Variants in PLPP4 observed in about 807,000 individuals in gnomAD.
PLPP4 encodes the protein phospholipid phosphatase 4, also known as diacylglycerol pyrophosphate like 2.
A neutral mutation model predicts 32.2 loss-of-function variants in PLPP4; 20 were observed. That is an observed-to-expected ratio of 0.62 (90% CI 0.44 to 0.90). The LOEUF (loss-of-function observed/expected upper bound fraction) is 0.90, where lower values mean the gene tolerates loss of function less well. Among genes scored for constraint, PLPP4 ranks in the 40% least tolerant of loss-of-function variants. The pLI is 0.00. For missense variants in PLPP4, 257 were observed against 353.1 expected, an observed-to-expected ratio of 0.73 and a Z score of 2.18; for synonymous variants, 127 against 133.0, an observed-to-expected ratio of 0.95 and a Z score of 0.31.
At chr10:120,511,706 A>G (rs1418499506) in intron 2 of PLPP4, among the ~76,000 whole-genome samples, 1 of 152,198 alleles carries the variant, frequency 6.6e-6, no homozygotes, top group African/African-American at 2.4e-5. Flanking sequence ...TGGTGCTTCA[A>G]TTCTTGTTCT....
chr10:120,525,028 C>T (rs1301206072), intron 5 of PLPP4, among the ~76,000 whole-genome samples: 1 of 152,214 alleles, frequency 6.6e-6, no homozygotes, highest in Non-Finnish European at 1.5e-5. Flanking sequence ...AAGCAATACT[C>T]TCATCCAGGT....
chr10:120,514,470 C>T (rs1008382828), intron 3 of PLPP4, among the ~76,000 whole-genome samples: 1 of 152,174 alleles, frequency 6.6e-6, no homozygotes, highest in African/African-American at 2.4e-5. Context: ...ATAGATATTA[C>T]AAACAAGCTC....
chr10:120,457,580 A>G (rs1847847204), intron 1 of PLPP4, among the ~76,000 whole-genome samples: 1 of 152,032 alleles, frequency 6.6e-6, no homozygotes, highest in Admixed American at 6.5e-5. Context: ...CCGCGCGCCG[A>G]GGCTGAGACC....
chr10:120,506,819 G>T (rs1052142330), intron 2 of PLPP4, among the ~76,000 whole-genome samples: 3 of 152,208 alleles, frequency 2.0e-5, no homozygotes, highest in African/African-American at 7.2e-5. Context: ...GGTGATGTCT[G>T]TCACTCTGAA....
chr10:120,582,769 C>CCCCT (rs1849571246), intron 6 of PLPP4, among the ~76,000 whole-genome samples: 1 of 56,794 alleles, frequency 1.8e-5, no homozygotes, highest in Non-Finnish European at 3.4e-5. Flanking sequence ...CTCCCTCCCT[C>CCCCT]CCTTCCTCCC....
At chr10:120,554,143 G>A (rs1427189642) in intron 5 of PLPP4, among the ~76,000 whole-genome samples, 1 of 152,136 alleles carries the variant, frequency 6.6e-6, no homozygotes, top group Non-Finnish European at 1.5e-5. Flanking sequence ...ACCATATGCT[G>A]TTAGCAGCAG....
At chr10:120,475,694 G>C (rs1028813319) in intron 1 of PLPP4, among the ~76,000 whole-genome samples, 5 of 152,326 alleles carry the variant, frequency 3.3e-5, no homozygotes, top group Non-Finnish European at 5.9e-5. Flanking sequence ...GAGGTTTCCT[G>C]TAGATTTTAT....
chr10:120,543,806 G>C (rs1847476908), intron 5 of PLPP4, among the ~76,000 whole-genome samples: 1 of 152,066 alleles, frequency 6.6e-6, no homozygotes, highest in African/African-American at 2.4e-5. Flanking sequence ...CCACCACTCT[G>C]TTTTCCGCCT....
At chr10:120,508,174 G>C (rs986995179) in intron 2 of PLPP4, among the ~76,000 whole-genome samples, 4 of 152,174 alleles carry the variant, frequency 2.6e-5, no homozygotes, top group African/African-American at 9.7e-5. Context: ...CAGAAATAAA[G>C]TCATTTTGGG....
intron 5 of PLPP4, among the ~76,000 whole-genome samples, chr10:120,538,138 C>G (rs1847152115): frequency 1.4e-5 from 2 of 140,002 alleles, no homozygotes; most frequent in Admixed American, 7.4e-5. Flanking sequence ...ATTTTCTTTT[C>G]CCTTTTGGAT....
intron 5 of PLPP4, among the ~76,000 whole-genome samples, chr10:120,560,943 T>G (rs996898460): frequency 6.6e-6 from 1 of 152,078 alleles, no homozygotes; most frequent in African/African-American, 2.4e-5. Context: ...TTCAATTGCA[T>G]GGGGTGTCGG....
At chr10:120,498,092 G>A (rs966422901) in intron 1 of PLPP4, among the ~76,000 whole-genome samples, 1 of 152,106 alleles carries the variant, frequency 6.6e-6, no homozygotes, top group Non-Finnish European at 1.5e-5. Flanking sequence ...AGAAATAGTA[G>A]TATGTCTTGG....
rs1235893443 is a variant in PLPP4, at chr10:120,590,577, T to A, written c.*1075T>A. On this transcript the variant is annotated 3_prime_UTR_variant, in exon 7 of 7. Coordinates refer to ENST00000398250, the MANE Select transcript of PLPP4 (RefSeq NM_001030059.3). ...GTGTCTCTCGCTCAGCTCTTTGCATTGTTGAATACAGCCAGTCAATATGAA... is the reference window on the plus strand; with the variant it reads ...GTGTCTCTCGCTCAGCTCTTTGCATAGTTGAATACAGCCAGTCAATATGAA... Among the ~76,000 whole-genome samples the A allele has an allele frequency of 6.6e-6, 1 of 152,148 alleles. No individual in the cohort carries two copies. The highest frequency in any genetic ancestry group is 1.5e-5 in the Non-Finnish European group (1 of 68,030).
chr10:120,497,866 C>A (rs567754765), intron 1 of PLPP4, among the ~76,000 whole-genome samples: 1 of 152,086 alleles, frequency 6.6e-6, no homozygotes, highest in East Asian at 1.9e-4. Flanking sequence ...TGGTGAAACC[C>A]CGTCTCTACT....
At chr10:120,458,684 A>C (rs1408018808) in intron 1 of PLPP4, among the ~76,000 whole-genome samples, 1 of 152,176 alleles carries the variant, frequency 6.6e-6, no homozygotes, top group African/African-American at 2.4e-5. Flanking sequence ...ACTGGGAAGA[A>C]GGAACGAGAA....
At chr10:120,541,047 G>A (rs537670707) in intron 5 of PLPP4, among the ~76,000 whole-genome samples, 1 of 152,114 alleles carries the variant, frequency 6.6e-6, no homozygotes, top group Non-Finnish European at 1.5e-5. Flanking sequence ...ATATTATTGC[G>A]TGTCAAAAGA....
At chr10:120,460,401 A>G (rs1390869774) in intron 1 of PLPP4, among the ~76,000 whole-genome samples, 2 of 152,182 alleles carry the variant, frequency 1.3e-5, no homozygotes, top group South Asian at 2.1e-4. Flanking sequence ...CAGCAAGCAC[A>G]TAGTGTAGAA....
At chr10:120,527,877 A>C (rs1846479544) in intron 5 of PLPP4, among the ~76,000 whole-genome samples, 1 of 152,132 alleles carries the variant, frequency 6.6e-6, no homozygotes, top group Non-Finnish European at 1.5e-5. Flanking sequence ...GTTTAATGCC[A>C]TCGAGCATGA....
At chr10:120,543,139 A>G (rs1589850391) in intron 5 of PLPP4, among the ~76,000 whole-genome samples, 1 of 152,236 alleles carries the variant, frequency 6.6e-6, no homozygotes, top group East Asian at 1.9e-4. Flanking sequence ...AGCACTTGAG[A>G]CCTGCCTGCC....
Sources: allele counts gnomAD v4.1 joint callset (sites outside exome capture counted in the v4.1 genomes callset), GRCh38; gene constraint gnomAD v4.1.1; transcripts MANE v1.5; gene names NCBI Gene and HGNC (gene_info 2026-07-23, HGNC 2026-07-21).